Variants in GALNT7 observed in about 807,000 individuals in gnomAD.
The protein encoded by GALNT7 is polypeptide N-acetylgalactosaminyltransferase 7.
GALNT7 carries 60 observed loss-of-function variants against 82.1 expected under a neutral mutation model. The observed-to-expected ratio is 0.73, with a 90% CI of 0.59 to 0.91. The LOEUF is 0.91. GALNT7 is among the 40% of genes least tolerant of loss of function. The probability of loss-of-function intolerance (pLI) is 0.00; values close to 1 mark genes in which losing one functional copy is unlikely to be tolerated. For synonymous variants in GALNT7, 243 were observed against 275.1 expected (o/e 0.88, Z 1.15); for missense variants, 660 against 804.2 (o/e 0.82, Z 2.17).
intron 1 of GALNT7, among the ~76,000 whole-genome samples, chr4:173,216,407 G>A (rs919742513): frequency 1.3e-4 from 20 of 152,210 alleles, no homozygotes; most frequent in African/African-American, 4.6e-4. Flanking sequence ...CATCAAGGAC[G>A]TCTGTGTTCG....
At position 173,265,613 on chromosome 4, in the gene GALNT7, C is replaced by CTCTCTT. The variant is rs1554025822; in HGVS notation, c.587+17178_587+17179insTTCTCT. On this transcript the variant is annotated intron_variant, in intron 2 of 11. Transcript: ENST00000265000. ...TCTCTCTCTCTCTCTCTCTCTCTCT[C>CTCTCTT]TCTCTCTGTCTCTGTCTCTCCACCC... Among the ~76,000 whole-genome samples, 4 of 142,202 alleles carry CTCTCTT rather than the reference C, an allele frequency of 2.8e-5. No homozygotes were observed. The South Asian group carries it at 8.7e-4, about 31-fold the overall frequency. The allele number at this position is 142,202 out of a possible 152,430, so 93.3% of individuals were successfully genotyped here. A position where few individuals can be genotyped will look rare whatever the true frequency, so the allele number is the denominator to read the frequency against.
At chr4:173,269,245 G>A (rs1484319829) in intron 2 of GALNT7, among the ~76,000 whole-genome samples, 1 of 152,138 alleles carries the variant, frequency 6.6e-6, no homozygotes, top group Non-Finnish European at 1.5e-5. Flanking sequence ...AGACCAAAAA[G>A]CATCAAATTT....
intron 1 of GALNT7, among the ~76,000 whole-genome samples, chr4:173,236,785 C>G (rs1734247557): frequency 2.0e-5 from 3 of 152,178 alleles, no homozygotes; most frequent in Admixed American, 2.0e-4. Flanking sequence ...CTGTGACTCC[C>G]TTAGAGGCAA....
At chr4:173,206,760 G>A (rs557304532) in intron 1 of GALNT7, among the ~76,000 whole-genome samples, 1 of 152,358 alleles carries the variant, frequency 6.6e-6, no homozygotes, top group South Asian at 2.1e-4. Flanking sequence ...TGTTGCTGGG[G>A]AAGGTTGGGG....
chr4:173,286,477 T>TAGA (rs1167735532), intron 2 of GALNT7, among the ~76,000 whole-genome samples: 1 of 152,230 alleles, frequency 6.6e-6, no homozygotes, highest in African/African-American at 2.4e-5. Flanking sequence ...TGTAACTGCT[T>TAGA]AGAGGCAGGC....
Position 173,266,480 on chromosome 4 carries a change from G to C in GALNT7, c.587+18040G>C, listed in dbSNP as rs546786438. ...AGACAAAAGAGCACGAAAGTGTGTT[G>C]ATCAGAGCAGTAGTTTTAATTGTAG... On this transcript the variant is annotated intron_variant, in intron 2 of 11. Coordinates refer to ENST00000265000, the MANE Select transcript of GALNT7 (RefSeq NM_017423.3). 5.3e-5 allele frequency among the ~76,000 whole-genome samples: 8 copies of C among 152,314 alleles called. No homozygotes were observed. In the South Asian group the frequency reaches 1.4e-3, roughly 28 times the overall value.
intron 1 of GALNT7, among the ~76,000 whole-genome samples, chr4:173,224,111 C>G (rs1410913694): frequency 6.6e-6 from 1 of 152,102 alleles, no homozygotes; most frequent in African/African-American, 2.4e-5. Context: ...TTGTCCCTAC[C>G]AGAATCTATT....
intron 1 of GALNT7, among the ~76,000 whole-genome samples, chr4:173,188,680 T>A (rs1266388179): frequency 6.6e-6 from 1 of 152,236 alleles, no homozygotes; most frequent in East Asian, 1.9e-4. Flanking sequence ...GAATTCTGCC[T>A]TGAGGCCTTC....
intron 1 of GALNT7, among the ~76,000 whole-genome samples, chr4:173,192,121 G>A (rs1271508499): frequency 6.6e-6 from 1 of 152,178 alleles, no homozygotes; most frequent in African/African-American, 2.4e-5. Context: ...GAAGTGTGTG[G>A]TGGGTGAGGA....
intron 2 of GALNT7, among the ~76,000 whole-genome samples, chr4:173,274,567 A>G (rs980932627): frequency 6.6e-6 from 1 of 152,198 alleles, no homozygotes; most frequent in Non-Finnish European, 1.5e-5. Flanking sequence ...CATATAACCT[A>G]ACAGAGCCTC....
chr4:173,273,578 C>A (rs533459381), intron 2 of GALNT7, among the ~76,000 whole-genome samples: 2 of 152,216 alleles, frequency 1.3e-5, no homozygotes, highest in South Asian at 4.2e-4. Context: ...TGTGATTTAC[C>A]CATAAGAAGT....
At chr4:173,183,976 A>G (rs1357573576) in intron 1 of GALNT7, among the ~76,000 whole-genome samples, 3 of 151,022 alleles carry the variant, frequency 2.0e-5, no homozygotes, top group African/African-American at 7.3e-5. Flanking sequence ...GCGGCCGGGC[A>G]GAGGCGCTCT....
intron 1 of GALNT7, among the ~76,000 whole-genome samples, chr4:173,178,306 A>G (rs35576170): frequency 0.12 from 18,363 of 152,140 alleles, 1,380 homozygotes; most frequent in Non-Finnish European, 0.17. Context: ...AAAAAACAAT[A>G]GCAAAACTAT....
At chr4:173,311,160 C>T (rs1737367151) in intron 8 of GALNT7, among the ~76,000 whole-genome samples, 1 of 152,222 alleles carries the variant, frequency 6.6e-6, no homozygotes, top group Non-Finnish European at 1.5e-5. Context: ...ACCATTCCCA[C>T]CTAATTAACC....
At chr4:173,236,435 A>G (rs555240961) in intron 1 of GALNT7, among the ~76,000 whole-genome samples, 4 of 152,074 alleles carry the variant, frequency 2.6e-5, no homozygotes, top group Non-Finnish European at 4.4e-5. Context: ...CTCTCTGACA[A>G]CATCTTGGCT....
intron 1 of GALNT7, among the ~76,000 whole-genome samples, chr4:173,231,924 A>G (rs749551816): frequency 6.6e-6 from 1 of 152,170 alleles, no homozygotes; most frequent in African/African-American, 2.4e-5. Flanking sequence ...TGGTTGGGGA[A>G]GAAAAACTAA....
intron 1 of GALNT7, among the ~76,000 whole-genome samples, chr4:173,193,424 C>T (rs1275010826): frequency 1.3e-5 from 2 of 152,162 alleles, no homozygotes; most frequent in African/African-American, 4.8e-5. Flanking sequence ...CCTCAAATCA[C>T]ATACATGAAG....
chr4:173,189,502 A>T (rs2126639093), intron 1 of GALNT7, among the ~76,000 whole-genome samples: 1 of 152,370 alleles, frequency 6.6e-6, no homozygotes, highest in East Asian at 1.9e-4. Flanking sequence ...TGGAAATATC[A>T]AAATAGTTCC....
At chr4:173,317,956 T>C (rs1737668476) in intron 10 of GALNT7, among the ~76,000 whole-genome samples, 1 of 152,248 alleles carries the variant, frequency 6.6e-6, no homozygotes, top group Non-Finnish European at 1.5e-5. Context: ...CTAGAATTAA[T>C]GTCTAATATA....
Sources: gnomAD v4.1 joint callset for allele counts (sites outside exome capture counted in the v4.1 genomes callset) on GRCh38, gnomAD v4.1.1 for gene constraint, MANE v1.5 for transcripts, NCBI Gene and HGNC (gene_info 2026-07-23, HGNC 2026-07-21) for gene names.